The following PTPRN2 variants were observed in gnomAD, a reference collection of about 807,000 sequenced individuals.
PTPRN2 encodes protein tyrosine phosphatase receptor type N2.
PTPRN2 carries 74 observed loss-of-function variants against 118.8 expected under a neutral mutation model. That is an observed-to-expected ratio of 0.62 (90% CI 0.52 to 0.76). The LOEUF (loss-of-function observed/expected upper bound fraction) is 0.76. PTPRN2 is among the 30% of genes least tolerant of loss of function. PTPRN2 has a pLI of 0.00. For synonymous variants in PTPRN2, 641 were observed against 608.0 expected, an observed-to-expected ratio of 1.05 and a Z score of -0.80; for missense variants, 1,481 against 1,394.4, an observed-to-expected ratio of 1.06 and a Z score of -0.99.
At chr7:157,668,416 C>A (rs368301747) in intron 13 of PTPRN2, among the ~76,000 whole-genome samples, 1 of 152,206 alleles carries the variant, frequency 6.6e-6, no homozygotes, top group African/African-American at 2.4e-5. Context: ...TGAATGAAGC[C>A]GTGTTGCCCG....
intron 12 of PTPRN2, among the ~76,000 whole-genome samples, chr7:157,693,414 C>A (rs980721593): frequency 1.3e-5 from 2 of 152,082 alleles, no homozygotes; most frequent in Non-Finnish European, 2.9e-5. Flanking sequence ...GGCTGCGCCG[C>A]GCTGGCGACG....
At chr7:158,443,769 G>T (rs982463021) in intron 2 of PTPRN2, among the ~76,000 whole-genome samples, 1 of 152,194 alleles carries the variant, frequency 6.6e-6, no homozygotes, top group South Asian at 2.1e-4. Context: ...TGGCCAGCAG[G>T]TGAATCACAC....
chr7:158,519,219 G>A (rs1823799634), intron 1 of PTPRN2, among the ~76,000 whole-genome samples: 1 of 152,150 alleles, frequency 6.6e-6, no homozygotes, highest in African/African-American at 2.4e-5. Context: ...CATCTAAGTG[G>A]GAAGAGGGAG....
chr7:157,719,778 T>C (rs1290166860), intron 12 of PTPRN2, among the ~76,000 whole-genome samples: 1 of 152,258 alleles, frequency 6.6e-6, no homozygotes, highest in African/African-American at 2.4e-5. Flanking sequence ...TTCCCGCAGT[T>C]GCCCGCGTAC....
chr7:158,171,696 C>T (rs972071968), intron 5 of PTPRN2, among the ~76,000 whole-genome samples: 1 of 152,076 alleles, frequency 6.6e-6, no homozygotes, highest in African/African-American at 2.4e-5. Flanking sequence ...CACATCTCAA[C>T]TGAGGAGAAA....
intron 2 of PTPRN2, among the ~76,000 whole-genome samples, chr7:158,355,643 A>G (rs1229813136): frequency 6.6e-6 from 1 of 152,220 alleles, no homozygotes; most frequent in Non-Finnish European, 1.5e-5. Context: ...GGATGTCCTT[A>G]TGAGCCAGGA....
chr7:157,748,205 G>A (rs1801139306), intron 12 of PTPRN2, among the ~76,000 whole-genome samples: 2 of 148,112 alleles, frequency 1.4e-5, no homozygotes, highest in Non-Finnish European at 1.5e-5. Flanking sequence ...CCTGAGCTGT[G>A]AGCTGTTGAG....
chr7:157,897,668 G>C (rs564230483), intron 12 of PTPRN2, among the ~76,000 whole-genome samples: 1 of 152,340 alleles, frequency 6.6e-6, no homozygotes, highest in South Asian at 2.1e-4. Context: ...GCTCTGCATG[G>C]GAAGCGCAAG....
chr7:158,080,628 C>T (rs1006688551), intron 11 of PTPRN2, among the ~76,000 whole-genome samples: 1 of 150,616 alleles, frequency 6.6e-6, no homozygotes, highest in African/African-American at 2.4e-5. Context: ...TTGTGTCCAC[C>T]ATCCCATTCT....
chr7:158,572,366 A>G (rs548148446), intron 1 of PTPRN2, among the ~76,000 whole-genome samples: 1 of 152,252 alleles, frequency 6.6e-6, no homozygotes, highest in South Asian at 2.1e-4. Context: ...TAGTTATGCT[A>G]CCTCCTCCAG....
chr7:158,269,889 CAGAGAG>C, intron 3 of PTPRN2, among the ~76,000 whole-genome samples: 1 of 126,518 alleles, frequency 7.9e-6, no homozygotes, highest in East Asian at 3.3e-4. Context: ...CAGAGAGAGA[CAGAGAG>C]ACAGAGACAT....
intron 4 of PTPRN2, among the ~76,000 whole-genome samples, chr7:158,197,211 A>C (rs980943315): frequency 6.6e-6 from 1 of 152,228 alleles, no homozygotes; most frequent in African/African-American, 2.4e-5. Flanking sequence ...GTATTACTTC[A>C]AATAGAACAT....
chr7:157,783,113 C>T (rs928768996), intron 12 of PTPRN2, among the ~76,000 whole-genome samples: 94 of 152,292 alleles, frequency 6.2e-4, no homozygotes, highest in African/African-American at 2.0e-3. Flanking sequence ...GCTGCCGCCA[C>T]GTGAAGAAGA....
Position 158,154,654 on chromosome 7 carries a change from A to G in PTPRN2, c.910+12277T>C, listed in dbSNP as rs148901556. On this transcript the variant is annotated intron_variant, in intron 6 of 22. Coordinates refer to ENST00000389418, the MANE Select transcript of PTPRN2 (RefSeq NM_002847.5). ...AGAATCACTATAATAGGAAACATCC[A>G]CCTTCAAAATGGAATAATAAAGTAC... 6.0e-3 allele frequency among the ~76,000 whole-genome samples: 915 copies of G among 152,334 alleles called. 13 individuals carry two copies. Among genetic ancestry groups the G allele is most frequent in the South Asian group, 8.5e-3 (41 of 4,824 alleles).
At chr7:158,074,229 C>G (rs1397841541) in intron 11 of PTPRN2, among the ~76,000 whole-genome samples, 2 of 152,164 alleles carry the variant, frequency 1.3e-5, no homozygotes, top group African/African-American at 4.8e-5. Context: ...TTCACCTGCC[C>G]CGGCAGCCGA....
At chr7:158,104,150 C>T (rs879760791) in intron 10 of PTPRN2, among the ~76,000 whole-genome samples, 3 of 152,178 alleles carry the variant, frequency 2.0e-5, no homozygotes, top group African/African-American at 4.8e-5. Context: ...CATGAGCCAC[C>T]GTGCCTGGCC....
At chr7:158,258,981 T>TGCAGCGTCGGTACAGGGAGGC (rs1375825730) in intron 3 of PTPRN2, among the ~76,000 whole-genome samples, 37 of 151,732 alleles carry the variant, frequency 2.4e-4, no homozygotes, top group African/African-American at 8.2e-4. Flanking sequence ...GTGAGGGAGG[T>TGCAGCGTCGGTACAGGGAGGC]GCAGCGTCGG....
intron 11 of PTPRN2, among the ~76,000 whole-genome samples, chr7:158,067,188 G>A (rs1398627992): frequency 6.6e-6 from 1 of 152,202 alleles, no homozygotes; most frequent in East Asian, 1.9e-4. Context: ...TTATTTCCAC[G>A]TATGTGATAA....
chr7:157,999,394 C>T (rs569873489), intron 11 of PTPRN2, among the ~76,000 whole-genome samples: 14 of 152,280 alleles, frequency 9.2e-5, no homozygotes, highest in Admixed American at 8.5e-4. Flanking sequence ...CAACCTCAGA[C>T]GCTCTCGTTT....
Sources: gnomAD v4.1 joint callset for allele counts (sites outside exome capture counted in the v4.1 genomes callset) on GRCh38, gnomAD v4.1.1 for gene constraint, MANE v1.5 for transcripts, NCBI Gene and HGNC (gene_info 2026-07-23, HGNC 2026-07-21) for gene names.